Variants in B3GALT1 observed in about 807,000 individuals in gnomAD.
The protein encoded by B3GALT1 is beta-1,3-galactosyltransferase 1.
B3GALT1 carries 10 observed loss-of-function variants against 23.2 expected under a neutral mutation model. The ratio of observed to expected loss-of-function variants is 0.43; its 90% CI spans 0.27 to 0.73. The LOEUF (loss-of-function observed/expected upper bound fraction) is 0.73, where lower values mean the gene tolerates loss of function less well. Among genes scored for constraint, B3GALT1 ranks in the 30% least tolerant of loss-of-function variants. The probability of loss-of-function intolerance (pLI) is 0.21; values close to 1 mark genes in which losing one functional copy is unlikely to be tolerated. For missense variants in B3GALT1, 299 were observed against 405.4 expected (o/e 0.74, Z 2.25); for synonymous variants, 156 against 141.5 (o/e 1.10, Z -0.73).
chr2:167,503,139 A>G (rs897952935), intron 2 of B3GALT1, among the ~76,000 whole-genome samples: 3 of 152,180 alleles, frequency 2.0e-5, no homozygotes, highest in African/African-American at 7.2e-5. Context: ...CATATAAACT[A>G]TTTCATGATA....
In B3GALT1 at chr2:167,333,375, G is replaced by A. The variant is rs530019781; in HGVS notation, c.-511+40041G>A. Reference sequence around the variant, plus strand: ...TTAGTGTAAAGCAGGGCTAACACCAGGAGAATTGGTCAAAATTCTCTTTAA... The same window carrying A: ...TTAGTGTAAAGCAGGGCTAACACCAAGAGAATTGGTCAAAATTCTCTTTAA... On this transcript the variant is annotated intron_variant, in intron 1 of 4. Coordinates refer to ENST00000392690, the MANE Select transcript of B3GALT1 (RefSeq NM_020981.4). 1.6e-3 allele frequency among the ~76,000 whole-genome samples: 244 copies of A among 152,324 alleles called. 1 individual carries two copies. The highest frequency in any genetic ancestry group is 2.9e-3 in the Non-Finnish European group (199 of 68,034).
intron 2 of B3GALT1, among the ~76,000 whole-genome samples, chr2:167,539,958 G>C (rs1389399499): frequency 6.6e-6 from 1 of 151,858 alleles, no homozygotes; most frequent in Non-Finnish European, 1.5e-5. Flanking sequence ...TATTCCTTCA[G>C]GAGAAAAGGC....
At chr2:167,862,290 A>G (rs553481848) in intron 4 of B3GALT1, among the ~76,000 whole-genome samples, 1 of 152,306 alleles carries the variant, frequency 6.6e-6, no homozygotes, top group Admixed American at 6.5e-5. Flanking sequence ...AAAACTTGAG[A>G]ATCGGGGGAG....
intron 4 of B3GALT1, among the ~76,000 whole-genome samples, chr2:167,839,530 G>T (rs1189172284): frequency 6.6e-6 from 1 of 152,188 alleles, no homozygotes; most frequent in Admixed American, 6.5e-5. Flanking sequence ...AATAAAGGAG[G>T]ATACAAACAA....
At chr2:167,400,166 C>CTGTGTGTGTGTGTG (rs149993955) in intron 1 of B3GALT1, among the ~76,000 whole-genome samples, 9,468 of 145,688 alleles carry the variant, frequency 0.065, 362 homozygotes, top group Middle Eastern at 0.1. Flanking sequence ...ACATCTATGT[C>CTGTGTGTGTGTGTG]TGTGTGTGTG....
At chr2:167,334,546 A>C (rs1049245792) in intron 1 of B3GALT1, among the ~76,000 whole-genome samples, 2 of 152,196 alleles carry the variant, frequency 1.3e-5, no homozygotes, top group African/African-American at 4.8e-5. Context: ...ACTAACATTG[A>C]AGCATATTTT....
intron 2 of B3GALT1, among the ~76,000 whole-genome samples, chr2:167,624,300 C>T (rs1329852955): frequency 6.6e-6 from 1 of 151,938 alleles, no homozygotes; most frequent in Non-Finnish European, 1.5e-5. Context: ...GATTGAAATC[C>T]CTCATAAGCA....
Position 167,354,344 on chromosome 2 carries a change from CTTCTT to C in B3GALT1, c.-511+61013_-511+61017del, listed in dbSNP as rs1174155670. ...CTAGTTGTTTCTTTCCTTGGTAAAT[CTTCTT>C]TTTTTTTTTTTTTTTTGAGATGGAG... On this transcript the variant is annotated intron_variant, in intron 1 of 4. Transcript: ENST00000392690. 9.0e-4 allele frequency among the ~76,000 whole-genome samples: 107 copies of C among 119,482 alleles called. 1 individual carries two copies. Among genetic ancestry groups the C allele is most frequent in the African/African-American group, 2.7e-3 (95 of 34,978 alleles). The allele number at this position is 119,482 out of a possible 152,430, so 78.4% of individuals were successfully genotyped here.
At chr2:167,487,374 AT>A (rs1699643589) in intron 1 of B3GALT1, among the ~76,000 whole-genome samples, 1 of 152,188 alleles carries the variant, frequency 6.6e-6, no homozygotes, top group South Asian at 2.1e-4. Context: ...TCCAAAGCGT[AT>A]TTTTGAACTA....
At chr2:167,437,389 G>C (rs910892153) in intron 1 of B3GALT1, among the ~76,000 whole-genome samples, 1 of 152,174 alleles carries the variant, frequency 6.6e-6, no homozygotes, top group South Asian at 2.1e-4. Flanking sequence ...TCCTGTGTGG[G>C]CAGAGTGTTC....
intron 2 of B3GALT1, among the ~76,000 whole-genome samples, chr2:167,619,288 T>TTTTAC (rs1350468884): frequency 6.6e-6 from 1 of 152,038 alleles, no homozygotes; most frequent in East Asian, 1.9e-4. Flanking sequence ...CTCTTAGCAC[T>TTTTAC]TTTACTTTAC....
rs866876110 is a variant in B3GALT1 at position 167,869,857 on chromosome 2, G to A, written c.818G>A (p.Arg273Gln). The A allele has an allele frequency of 3.1e-6, 5 of 1,613,972 alleles. No individual in the cohort carries two copies. The African/African-American group carries it at 4.0e-5, about 13-fold the overall frequency. ...GACGTATATGTGGGACTGTGTCTTC[G>A]AAAGCTGGGCATACATCCTTTCCAG... ...LEDVYVGLCL[R>Q]KLGIHPFQNS... The change falls in exon 5 of 5, where the codon CGA (arginine) becomes CAA (glutamine). Residue 273 changes from arginine to glutamine, a missense_variant. Around this residue, in one of 3 missense-constraint regions of B3GALT1, gnomAD observed 133 missense variants for 204.8 expected, o/e 0.65. Transcript: ENST00000392690. The surrounding 1 kb of genome is among the most constrained non-coding windows in gnomAD (Gnocchi z 6.4).
At chr2:167,792,082 GAAC>G (rs1688447470) in intron 3 of B3GALT1, among the ~76,000 whole-genome samples, 1 of 150,936 alleles carries the variant, frequency 6.6e-6, no homozygotes, top group Non-Finnish European at 1.5e-5. Context: ...AAAAAAAAAA[GAAC>G]AATATAACCT....
At chr2:167,784,841 C>G (rs1412223873) in intron 3 of B3GALT1, among the ~76,000 whole-genome samples, 1 of 152,150 alleles carries the variant, frequency 6.6e-6, no homozygotes, top group Non-Finnish European at 1.5e-5. Flanking sequence ...AGAAAAGACC[C>G]CAGTCTCATA....
At chr2:167,392,460 C>G (rs190368399) in intron 1 of B3GALT1, among the ~76,000 whole-genome samples, 1 of 152,176 alleles carries the variant, frequency 6.6e-6, no homozygotes, top group East Asian at 1.9e-4. Context: ...AATTTTGATA[C>G]TCAATTCATG....
chr2:167,721,987 T>G (rs1176868030), intron 3 of B3GALT1, among the ~76,000 whole-genome samples: 1 of 152,230 alleles, frequency 6.6e-6, no homozygotes, highest in Non-Finnish European at 1.5e-5. Flanking sequence ...GAATCCAGTG[T>G]TTTTCATTTA....
chr2:167,752,802 A>G (rs945750581), intron 3 of B3GALT1, among the ~76,000 whole-genome samples: 8 of 152,200 alleles, frequency 5.3e-5, no homozygotes, highest in African/African-American at 1.9e-4. Flanking sequence ...CTCTTTGGCA[A>G]GGGCATTTGG....
intron 1 of B3GALT1, among the ~76,000 whole-genome samples, chr2:167,352,218 C>T (rs1158127593): frequency 1.5e-4 from 22 of 149,200 alleles, no homozygotes; most frequent in African/African-American, 3.0e-4. Context: ...CCGCCCACCT[C>T]GACCTCCCAA....
intron 2 of B3GALT1, among the ~76,000 whole-genome samples, chr2:167,556,724 A>C (rs1683859457): frequency 6.6e-6 from 1 of 152,188 alleles, no homozygotes; most frequent in African/African-American, 2.4e-5. Context: ...GGATGCCCTT[A>C]ATTGGAAAAT....
Sources: gnomAD v4.1 joint callset for allele counts (sites outside exome capture counted in the v4.1 genomes callset) on GRCh38, gnomAD v4.1.1 for gene constraint, gnomAD v4.1.1 regional missense constraint, Gnocchi (gnomAD v3.1) non-coding constraint, MANE v1.5 for transcripts, NCBI Gene and HGNC (gene_info 2026-07-23, HGNC 2026-07-21) for gene names.